Variants in MARCHF1 observed in about 807,000 individuals in gnomAD.
The protein encoded by MARCHF1 is membrane associated ring-CH-type finger 1.
MARCHF1 carries 40 observed loss-of-function variants against 54.2 expected under a neutral mutation model. That is an observed-to-expected ratio of 0.74 (90% CI 0.57 to 0.96). The LOEUF is 0.96. MARCHF1 is among the 40% of genes least tolerant of loss of function. The probability of loss-of-function intolerance (pLI) is 0.00; values close to 1 mark genes in which losing one functional copy is unlikely to be tolerated. For synonymous variants in MARCHF1, 236 were observed against 236.3 expected (o/e 1.00, Z 0.01); for missense variants, 586 against 656.5 (o/e 0.89, Z 1.17).
At chr4:163,687,876 T>C (rs1744317941) in intron 5 of MARCHF1, among the ~76,000 whole-genome samples, 1 of 152,222 alleles carries the variant, frequency 6.6e-6, no homozygotes, top group Non-Finnish European at 1.5e-5. Context: ...CTGTAAATTT[T>C]AATGAAATGA....
intron 1 of MARCHF1, among the ~76,000 whole-genome samples, chr4:164,353,767 C>A (rs1730424056): frequency 8.7e-6 from 1 of 114,336 alleles, no homozygotes; most frequent in Non-Finnish European, 1.8e-5. Context: ...AAAATCAGAG[C>A]AGAACTGAAG....
At chr4:163,632,981 G>C (rs1309557941) in intron 5 of MARCHF1, among the ~76,000 whole-genome samples, 2 of 152,134 alleles carry the variant, frequency 1.3e-5, no homozygotes, top group African/African-American at 4.8e-5. Context: ...CCCCCAGCAG[G>C]GGCACGCTGA....
intron 1 of MARCHF1, among the ~76,000 whole-genome samples, chr4:164,225,535 C>A (rs1408046086): frequency 2.0e-5 from 3 of 151,940 alleles, no homozygotes; most frequent in Non-Finnish European, 4.4e-5. Flanking sequence ...CTAATTATTC[C>A]TTTTAGGTCA....
chr4:164,032,037 A>T (rs1179029777), intron 2 of MARCHF1, among the ~76,000 whole-genome samples: 1 of 152,146 alleles, frequency 6.6e-6, no homozygotes, highest in Non-Finnish European at 1.5e-5. Context: ...TCAGGAATTC[A>T]ACTGCTTCCT....
intron 5 of MARCHF1, among the ~76,000 whole-genome samples, chr4:163,673,229 T>A (rs1008371928): frequency 8.5e-5 from 13 of 152,234 alleles, no homozygotes; most frequent in African/African-American, 3.1e-4. Context: ...ACTGATTAAA[T>A]AACTGCCCAT....
At chr4:164,028,638 C>T (rs1453729456) in intron 2 of MARCHF1, among the ~76,000 whole-genome samples, 1 of 152,096 alleles carries the variant, frequency 6.6e-6, no homozygotes, top group Non-Finnish European at 1.5e-5. Flanking sequence ...TGCTCACTAC[C>T]TGGGTGATGT....
chr4:163,635,737 C>G (rs1742292949), intron 5 of MARCHF1, among the ~76,000 whole-genome samples: 1 of 152,094 alleles, frequency 6.6e-6, no homozygotes, highest in African/African-American at 2.4e-5. Flanking sequence ...CTCCCTAACT[C>G]ATTTCATGAG....
chr4:164,280,748 T>G (rs1343914696), intron 1 of MARCHF1, among the ~76,000 whole-genome samples: 1 of 152,146 alleles, frequency 6.6e-6, no homozygotes, highest in African/African-American at 2.4e-5. Flanking sequence ...TTTTTTCTAA[T>G]ATTATTAGAC....
chr4:164,296,115 T>TA (rs751514372), intron 1 of MARCHF1, among the ~76,000 whole-genome samples: 1 of 151,710 alleles, frequency 6.6e-6, no homozygotes, highest in Non-Finnish European at 1.5e-5. Flanking sequence ...AATTTTCAAA[T>TA]AAAAAAAAAT....
At chr4:163,695,325 A>T (rs1157504381) in intron 5 of MARCHF1, among the ~76,000 whole-genome samples, 1 of 152,188 alleles carries the variant, frequency 6.6e-6, no homozygotes, top group African/African-American at 2.4e-5. Flanking sequence ...AGAAGAAAAC[A>T]CCTATTTAAA....
chr4:164,147,370 G>T lies in MARCHF1; in HGVS notation c.-322-35708C>A, dbSNP rs1445590808. On this transcript the variant is annotated intron_variant, in intron 1 of 9. Coordinates refer to ENST00000514618, the MANE Select transcript of MARCHF1 (RefSeq NM_001394959.1). ...ATCATGCTGCTATAAAGACACATGC[G>T]CACGTATGTTTATTGCAGCATTATT... Among the ~76,000 whole-genome samples the T allele has an allele frequency of 2.8e-3, 402 of 145,888 alleles. 2 individuals carry two copies. Among genetic ancestry groups the T allele is most frequent in the African/African-American group, 0.01 (379 of 37,138 alleles).
intron 2 of MARCHF1, among the ~76,000 whole-genome samples, chr4:164,091,305 T>C (rs560752135): frequency 1.3e-5 from 2 of 151,698 alleles, no homozygotes; most frequent in South Asian, 4.2e-4. Context: ...TTTAATATTG[T>C]TAAATATTCG....
At chr4:163,897,703 G>A (rs541408852) in intron 3 of MARCHF1, among the ~76,000 whole-genome samples, 16 of 152,124 alleles carry the variant, frequency 1.1e-4, no homozygotes, top group East Asian at 7.7e-4. Context: ...ATCTCTCACC[G>A]CATAAAAAGA....
At chr4:164,277,425 C>A (rs1733916019) in intron 1 of MARCHF1, among the ~76,000 whole-genome samples, 1 of 152,234 alleles carries the variant, frequency 6.6e-6, no homozygotes, top group African/African-American at 2.4e-5. Flanking sequence ...CAGACACTTT[C>A]TACTTCTCCA....
chr4:163,934,941 C>A (rs757504783), intron 3 of MARCHF1, among the ~76,000 whole-genome samples: 1 of 152,080 alleles, frequency 6.6e-6, no homozygotes, highest in Non-Finnish European at 1.5e-5. Context: ...ATTTATTTTG[C>A]CCAGATTCAA....
intron 4 of MARCHF1, among the ~76,000 whole-genome samples, chr4:163,841,589 C>T (rs1228009464): frequency 6.6e-6 from 1 of 152,010 alleles, no homozygotes. Flanking sequence ...TTTATTCTCA[C>T]ATAGTCAGAG....
chr4:163,845,485 A>T (rs1749459281), intron 4 of MARCHF1, among the ~76,000 whole-genome samples: 1 of 151,602 alleles, frequency 6.6e-6, no homozygotes, highest in South Asian at 2.1e-4. Flanking sequence ...ACACACACAC[A>T]CACACACACA....
chr4:164,322,822 CTTTAAG>C (rs1305728259), intron 1 of MARCHF1, among the ~76,000 whole-genome samples: 1 of 151,874 alleles, frequency 6.6e-6, no homozygotes, highest in East Asian at 1.9e-4. Context: ...TCAAGTGGAA[CTTTAAG>C]TTTACCTACA....
At chr4:164,339,466 C>A (rs1279880182) in intron 1 of MARCHF1, among the ~76,000 whole-genome samples, 1 of 152,060 alleles carries the variant, frequency 6.6e-6, no homozygotes, top group African/African-American at 2.4e-5. Flanking sequence ...CAACATACCC[C>A]TGAACAACCA....
Sources: allele counts gnomAD v4.1 joint callset (sites outside exome capture counted in the v4.1 genomes callset), GRCh38; gene constraint gnomAD v4.1.1; transcripts MANE v1.5; gene names NCBI Gene and HGNC (gene_info 2026-07-23, HGNC 2026-07-21).